The following HECW1 variants were observed in gnomAD, a reference collection of about 807,000 sequenced individuals.
HECW1 encodes E3 ubiquitin-protein ligase HECW1.
HECW1 carries 61 observed loss-of-function variants against 182.3 expected under a neutral mutation model. The ratio of observed to expected loss-of-function variants is 0.33; its 90% CI spans 0.27 to 0.41. HECW1 has a LOEUF of 0.41. Ranked by LOEUF, HECW1 falls within the 10% of genes least tolerant of loss-of-function variation. The pLI is 1.00. For missense variants in HECW1, 1,739 were observed against 2,108.9 expected (o/e 0.82, Z 3.44); for synonymous variants, 859 against 832.6 (o/e 1.03, Z -0.55).
intron 15 of HECW1, 73 bp downstream of exon 15, chr7:43,466,641 G>C (rs563173475): frequency 6.6e-7 from 1 of 1,515,554 alleles, no homozygotes. Context: ...AAAGTCATCT[G>C]ATAGATCTAA....
At chr7:43,359,778 GAA>G (rs373100106) in intron 5 of HECW1, among the ~76,000 whole-genome samples, 1 of 152,072 alleles carries the variant, frequency 6.6e-6, no homozygotes, top group Non-Finnish European at 1.5e-5. Flanking sequence ...CCATATTTGA[GAA>G]AAAATATCTC....
intron 2 of HECW1, among the ~76,000 whole-genome samples, chr7:43,143,377 G>C (rs533173021): frequency 9.1e-4 from 139 of 152,252 alleles, no homozygotes; most frequent in African/African-American, 3.0e-3. Flanking sequence ...TCAACTTCCT[G>C]GGTTCAAGCA....
intron 2 of HECW1, among the ~76,000 whole-genome samples, chr7:43,209,203 C>A (rs1351693634): frequency 6.6e-6 from 1 of 152,124 alleles, no homozygotes; most frequent in Non-Finnish European, 1.5e-5. Flanking sequence ...ACAATCTTGC[C>A]CATGATCGCC....
chr7:43,172,920 C>T lies in HECW1; in HGVS notation c.-32+58529C>T, dbSNP rs575188824. ...AAACACATACAGCTAGACCATTTCACATTCGTTTGCCTTTGTCTAGCCCTT... is the reference window on the plus strand; with the variant it reads ...AAACACATACAGCTAGACCATTTCATATTCGTTTGCCTTTGTCTAGCCCTT... On this transcript the variant is annotated intron_variant, in intron 2 of 29. Coordinates refer to ENST00000395891, the MANE Select transcript of HECW1 (RefSeq NM_015052.5). Among the ~76,000 whole-genome samples the T allele has an allele frequency of 1.2e-4, 19 of 152,344 alleles. No homozygotes were observed. In the South Asian group the frequency reaches 3.9e-3, roughly 32 times the overall value.
At chr7:43,463,409 T>G (rs2077653895) in intron 13 of HECW1, among the ~76,000 whole-genome samples, 1 of 152,190 alleles carries the variant, frequency 6.6e-6, no homozygotes, top group African/African-American at 2.4e-5. Flanking sequence ...TGATTAGTTA[T>G]TATTTGTGTT....
intron 2 of HECW1, among the ~76,000 whole-genome samples, chr7:43,174,285 G>A (rs1362402912): frequency 6.6e-6 from 1 of 152,186 alleles, no homozygotes; most frequent in Non-Finnish European, 1.5e-5. Context: ...GAGGATCCAT[G>A]GAGATCCCTT....
rs369959491 is a variant in HECW1 at position 43,148,478 on chromosome 7, CTCTTG to C, written c.-32+34092_-32+34096del. Among the ~76,000 whole-genome samples, 65 of 151,592 alleles carry C rather than the reference CTCTTG, an allele frequency of 4.3e-4. 1 individual carries two copies. The South Asian group carries it at 0.013, about 31-fold the overall frequency. ...CTGCCAGATGCTTTCCATCTAGTAG[CTCTTG>C]TCTTCACTGTGATCCTTAAAGTTAG... is the stretch of plus-strand genomic sequence containing the variant. On this transcript the variant is annotated intron_variant, in intron 2 of 29. Coordinates refer to ENST00000395891, the MANE Select transcript of HECW1 (RefSeq NM_015052.5).
chr7:43,431,379 A>G (rs1160429407), intron 8 of HECW1, among the ~76,000 whole-genome samples: 1 of 152,044 alleles, frequency 6.6e-6, no homozygotes, highest in Non-Finnish European at 1.5e-5. Context: ...CTCCTCCCAC[A>G]TGCCCTCAAT....
intron 2 of HECW1, among the ~76,000 whole-genome samples, chr7:43,122,769 C>G (rs1422346350): frequency 6.6e-6 from 1 of 151,960 alleles, no homozygotes; most frequent in African/African-American, 2.4e-5. Flanking sequence ...GAAATTTGAC[C>G]AAGGGACTAC....
At chr7:43,520,617 A>AT (rs2080420792) in intron 24 of HECW1, among the ~76,000 whole-genome samples, 1 of 87,556 alleles carries the variant, frequency 1.1e-5, no homozygotes, top group Non-Finnish European at 3.5e-5. Context: ...CTTCTCTTGA[A>AT]TTATTTTTTT....
intron 2 of HECW1, among the ~76,000 whole-genome samples, chr7:43,162,448 CCTCTT>C (rs1790644221): frequency 6.6e-6 from 1 of 152,208 alleles, no homozygotes; most frequent in Admixed American, 6.5e-5. Context: ...TGGTCTGCCT[CCTCTT>C]CTCTCTGTCT....
At chr7:43,423,771 C>G (rs2076270628) in intron 8 of HECW1, among the ~76,000 whole-genome samples, 1 of 152,106 alleles carries the variant, frequency 6.6e-6, no homozygotes, top group African/African-American at 2.4e-5. Context: ...GTATTTACAC[C>G]AAGAAAATTG....
chr7:43,500,807 T>G (rs1216900600), intron 20 of HECW1, 25 bp downstream of exon 20: 31 of 1,595,438 alleles, frequency 1.9e-5, no homozygotes, highest in Non-Finnish European at 2.6e-5. Flanking sequence ...CTGAAATCCT[T>G]CTGGAAAAGC....
At chr7:43,206,978 A>G (rs1371330514) in intron 2 of HECW1, among the ~76,000 whole-genome samples, 1 of 152,220 alleles carries the variant, frequency 6.6e-6, no homozygotes, top group Non-Finnish European at 1.5e-5. Flanking sequence ...ATATTATTGC[A>G]TTATCTTCCG....
At chr7:43,498,205 G>A (rs927530421) in intron 19 of HECW1, among the ~76,000 whole-genome samples, 8 of 152,154 alleles carry the variant, frequency 5.3e-5, no homozygotes, top group African/African-American at 1.7e-4. Context: ...TCAGAAAATC[G>A]GGCTTAGCAT....
At chr7:43,386,084 C>T (rs981228864) in intron 6 of HECW1, among the ~76,000 whole-genome samples, 5 of 152,164 alleles carry the variant, frequency 3.3e-5, no homozygotes, top group Non-Finnish European at 5.9e-5. Context: ...TCCTTCATGC[C>T]GCCCACATTC....
intron 3 of HECW1, chr7:43,274,165 G>T: frequency 4.6e-6 from 2 of 435,020 alleles, no homozygotes; most frequent in Middle Eastern, 5.8e-4. Flanking sequence ...CGCCATGAAG[G>T]CCTCGGGTGC....
intron 3 of HECW1, among the ~76,000 whole-genome samples, chr7:43,287,906 A>G (rs1411926074): frequency 6.6e-6 from 1 of 152,212 alleles, no homozygotes; most frequent in Non-Finnish European, 1.5e-5. Flanking sequence ...TCAGTCTGGT[A>G]CCTGAAAGAA....
At chr7:43,342,294 C>T (rs1813098078) in intron 5 of HECW1, among the ~76,000 whole-genome samples, 1 of 151,418 alleles carries the variant, frequency 6.6e-6, no homozygotes, top group Non-Finnish European at 1.5e-5. Context: ...ATTTGGAAAC[C>T]CTTCACCCTT....
Sources: allele counts gnomAD v4.1 joint callset (sites outside exome capture counted in the v4.1 genomes callset), GRCh38; gene constraint gnomAD v4.1.1; transcripts MANE v1.5; gene names NCBI Gene and HGNC (gene_info 2026-07-23, HGNC 2026-07-21).